MPP7: variants seen among roughly 807,000 people sequenced by gnomAD.
The protein encoded by MPP7 is MAGUK p55 scaffold protein 7.
In MPP7, 60 loss-of-function variants were observed where a neutral mutation model predicts 76.5. The observed-to-expected ratio is 0.78, with a 90% CI of 0.64 to 0.97. MPP7 has a LOEUF of 0.97. Among genes scored for constraint, MPP7 ranks in the 50% least tolerant of loss-of-function variants. MPP7 has a pLI of 0.00. For synonymous variants in MPP7, 237 were observed against 244.5 expected (o/e 0.97, Z 0.29); for missense variants, 641 against 694.0 (o/e 0.92, Z 0.86).
chr10:28,329,245 T>C (rs1343373763), intron 2 of MPP7, among the ~76,000 whole-genome samples: 3 of 152,188 alleles, frequency 2.0e-5, no homozygotes, highest in African/African-American at 7.2e-5. Context: ...GGATTTTATG[T>C]TTCTGGTTTG....
intron 3 of MPP7, among the ~76,000 whole-genome samples, chr10:28,193,079 A>G (rs1414197488): frequency 6.6e-6 from 1 of 152,252 alleles, no homozygotes; most frequent in Admixed American, 6.5e-5. Flanking sequence ...TAATCTAGAC[A>G]TAGAACTCAA....
At chr10:28,119,581 A>G in intron 11 of MPP7, 70 bp downstream of exon 11, 1 of 1,288,764 alleles carries the variant, frequency 7.8e-7, no homozygotes, top group Non-Finnish European at 1.1e-6. Flanking sequence ...TTCTGCCATG[A>G]GCACCTGCTT....
At chr10:28,263,620 C>G (rs1840056878) in intron 1 of MPP7, among the ~76,000 whole-genome samples, 1 of 140,450 alleles carries the variant, frequency 7.1e-6, no homozygotes, top group African/African-American at 2.9e-5. Context: ...GAAGCGTGAC[C>G]AACCAAGCCA....
chr10:28,130,252 A>G (rs1835149812), intron 6 of MPP7, among the ~76,000 whole-genome samples: 1 of 152,178 alleles, frequency 6.6e-6, no homozygotes, highest in African/African-American at 2.4e-5. Context: ...ATTATATCTT[A>G]GCTGATGTTC....
chr10:28,213,612 G>A (rs1378227256), intron 2 of MPP7, among the ~76,000 whole-genome samples: 2 of 151,784 alleles, frequency 1.3e-5, no homozygotes, highest in Non-Finnish European at 2.9e-5. Flanking sequence ...GGCCAACATG[G>A]TGAAACCCTG....
intron 3 of MPP7, among the ~76,000 whole-genome samples, chr10:28,198,818 A>G (rs1187598491): frequency 6.6e-6 from 1 of 152,150 alleles, no homozygotes; most frequent in Admixed American, 6.6e-5. Context: ...TTTGCAAGAG[A>G]TGGGTCCTGG....
rs771869421 is a variant in MPP7 at position 28,125,047 on chromosome 10, C to T, written c.492G>A (p.Val164=). 2.5e-6 allele frequency: 4 copies of T among 1,614,026 alleles called. No homozygotes were observed. Among genetic ancestry groups the T allele is most frequent in the Non-Finnish European group, 3.4e-6 (4 of 1,179,970 alleles). ...KKDEQTGAII[V]ARIMRGGAAD... ...CAGCTCCTCCTCTCATGATTCTGGC[C>T]ACAATGATCGCCCCGGTCTGTTCAT... The change falls in exon 7 of 17, where the codon GTG becomes GTA. Residue 164 remains valine, a synonymous_variant. Coordinates refer to ENST00000683449, the MANE Select transcript of MPP7 (RefSeq NM_001318170.2).
chr10:28,089,717 C>T lies in MPP7; in HGVS notation c.1077G>A (p.Pro359=), dbSNP rs778344837. ...ADVPTYEEVT[P]YRRQTNEKYR... is the part of the protein sequence containing the mutation. ...ATTTTTCATTAGTTTGTCGCCGATA[C>T]GGTGTCACTTCTTCGTATGTGGGTA... The change falls in exon 12 of 17, where the codon CCG becomes CCA. Residue 359 remains proline, a synonymous_variant. Transcript: ENST00000683449. The T allele has an allele frequency of 7.4e-6, 12 of 1,613,730 alleles. No homozygotes were observed. Among genetic ancestry groups the T allele is most frequent in the South Asian group, 5.5e-5 (5 of 90,998 alleles).
At chr10:28,071,525 T>C (rs1362409871) in intron 12 of MPP7, among the ~76,000 whole-genome samples, 3 of 152,184 alleles carry the variant, frequency 2.0e-5, no homozygotes, top group Non-Finnish European at 4.4e-5. Context: ...CTCCCTCTTA[T>C]AATAAATATG....
intron 2 of MPP7, among the ~76,000 whole-genome samples, chr10:28,216,207 G>A (rs762013167): frequency 1.3e-5 from 2 of 151,010 alleles, no homozygotes; most frequent in Admixed American, 6.6e-5. Flanking sequence ...GCAAGACCCC[G>A]TTTCTAAAAA....
intron 1 of MPP7, among the ~76,000 whole-genome samples, chr10:28,274,263 C>T (rs576118547): frequency 6.6e-6 from 1 of 151,644 alleles, no homozygotes; most frequent in Non-Finnish European, 1.5e-5. Flanking sequence ...CCACCACGCC[C>T]GGCTAATTTT....
At chr10:28,087,439 C>T (rs886064002) in intron 12 of MPP7, among the ~76,000 whole-genome samples, 6 of 151,968 alleles carry the variant, frequency 3.9e-5, no homozygotes, top group South Asian at 2.1e-4. Context: ...TCTGTTGCCC[C>T]GGCTGGAGTA....
intron 1 of MPP7, among the ~76,000 whole-genome samples, chr10:28,274,514 A>T (rs1643997082): frequency 6.6e-6 from 1 of 152,222 alleles, no homozygotes; most frequent in Admixed American, 6.5e-5. Flanking sequence ...CAAAATAAAT[A>T]ATATAGTTTC....
chr10:28,258,776 G>A (rs1388048529), intron 1 of MPP7, among the ~76,000 whole-genome samples: 1 of 152,034 alleles, frequency 6.6e-6, no homozygotes, highest in Non-Finnish European at 1.5e-5. Flanking sequence ...GGTATCCAAA[G>A]AACATTTACT....
chr10:28,087,518 C>A (rs548538550), intron 12 of MPP7, among the ~76,000 whole-genome samples: 2 of 152,200 alleles, frequency 1.3e-5, no homozygotes, highest in South Asian at 4.2e-4. Flanking sequence ...GCCTCAGCTT[C>A]CCAAGAAGCT....
chr10:28,322,769 C>A (rs1295002389), intron 2 of MPP7, among the ~76,000 whole-genome samples: 1 of 152,142 alleles, frequency 6.6e-6, no homozygotes, highest in East Asian at 1.9e-4. Flanking sequence ...GCTAGGAGCA[C>A]CCACGTGTTA....
rs368725914 is a variant in MPP7, at chr10:28,124,072, G to A, written c.574C>T (p.Pro192Ser). The A allele has an allele frequency of 1.9e-6, 3 of 1,612,532 alleles. No individual in the cohort carries two copies. The highest frequency in any genetic ancestry group is 2.5e-6 in the Non-Finnish European group (3 of 1,178,772). Residue 192 changes from proline to serine, a missense_variant, in exon 8 of 17, where the codon CCA becomes TCA. Coordinates refer to ENST00000683449, the MANE Select transcript of MPP7 (RefSeq NM_001318170.2). ...TCCTCAGGCCTTTTATCCTCCACTG[G>A]TATCCCGTTGACTTCCCTAAGTTCA... ...GDELREVNGI[P>S]VEDKRPEEII...
At chr10:28,235,101 G>T (rs574425717) in intron 2 of MPP7, among the ~76,000 whole-genome samples, 1 of 152,218 alleles carries the variant, frequency 6.6e-6, no homozygotes, top group African/African-American at 2.4e-5. Context: ...CAGCCACTGT[G>T]CCTGATTTCT....
At chr10:28,245,008 C>T (rs940789322) in intron 1 of MPP7, among the ~76,000 whole-genome samples, 14 of 152,188 alleles carry the variant, frequency 9.2e-5, no homozygotes, top group South Asian at 2.1e-4. Flanking sequence ...AGTGTTGGCA[C>T]ATCCTCCACA....
Sources: allele counts gnomAD v4.1 joint callset (sites outside exome capture counted in the v4.1 genomes callset), GRCh38; gene constraint gnomAD v4.1.1; transcripts MANE v1.5; gene names NCBI Gene and HGNC (gene_info 2026-07-23, HGNC 2026-07-21).